The following OPCML variants were observed in gnomAD, a reference collection of about 807,000 sequenced individuals.
The protein encoded by OPCML is opioid binding protein/cell adhesion molecule like.
OPCML carries 13 observed loss-of-function variants against 37.8 expected under a neutral mutation model. That is an observed-to-expected ratio of 0.34 (90% CI 0.22 to 0.55). The LOEUF is 0.55. Ranked by LOEUF, OPCML falls within the 20% of genes least tolerant of loss-of-function variation. The probability of loss-of-function intolerance (pLI) is 0.91; values close to 1 mark genes in which losing one functional copy is unlikely to be tolerated. For missense variants in OPCML, 341 were observed against 435.6 expected, an observed-to-expected ratio of 0.78 and a Z score of 1.93; for synonymous variants, 176 against 168.8, an observed-to-expected ratio of 1.04 and a Z score of -0.33.
At chr11:132,909,784 C>A (rs1442531540) in intron 2 of OPCML, among the ~76,000 whole-genome samples, 1 of 152,142 alleles carries the variant, frequency 6.6e-6, no homozygotes, top group East Asian at 1.9e-4. Flanking sequence ...ATATATGCAG[C>A]GGATGTGGCA....
chr11:133,480,043 C>T lies in OPCML; in HGVS notation c.61+52221G>A, dbSNP rs748720977. Among the ~76,000 whole-genome samples the T allele has an allele frequency of 3.0e-4, 45 of 152,336 alleles. 1 individual carries two copies. Among genetic ancestry groups the T allele is most frequent in the Middle Eastern group, 3.4e-3 (1 of 294 alleles). ...GTGCCTAACTTAACCAATTTCTGCA[C>T]ACTCATTCTGTGGACCCCAATCCAA... On this transcript the variant is annotated intron_variant, in intron 1 of 7. Coordinates refer to ENST00000524381, the MANE Select transcript of OPCML (RefSeq NM_001012393.5).
In OPCML at chr11:133,022,707, C is replaced by T. The variant is rs147012810; in HGVS notation, c.62-79697G>A. Among the ~76,000 whole-genome samples, 22 of 152,152 alleles carry T rather than the reference C, an allele frequency of 1.4e-4. 1 individual carries two copies. In the East Asian group the frequency reaches 2.7e-3, roughly 19 times the overall value. The stretch of plus-strand genomic sequence containing the variant: ...TGCTTTTTGGATGGGGTTTTGGTGA[C>T]GCACCATGGAAAAATATCATCCGTG... On this transcript the variant is annotated intron_variant, in intron 1 of 7. Transcript: ENST00000524381.
intron 1 of OPCML, among the ~76,000 whole-genome samples, chr11:133,304,741 G>A (rs906817846): frequency 2.0e-4 from 31 of 152,122 alleles, no homozygotes; most frequent in African/African-American, 7.5e-4. Context: ...CACAAATGTT[G>A]CCATGGAAAG....
At chr11:133,056,024 G>A (rs1407477052) in intron 1 of OPCML, among the ~76,000 whole-genome samples, 3 of 152,232 alleles carry the variant, frequency 2.0e-5, no homozygotes, top group African/African-American at 7.2e-5. Context: ...CCATGAGGGA[G>A]CCGCCTCTAC....
chr11:133,466,435 C>T (rs984785724), intron 1 of OPCML, among the ~76,000 whole-genome samples: 2 of 152,090 alleles, frequency 1.3e-5, no homozygotes, highest in Admixed American at 6.6e-5. Flanking sequence ...GAACCGGAAC[C>T]GTGACCTTAG....
chr11:133,265,371 G>A (rs12417446), intron 1 of OPCML, among the ~76,000 whole-genome samples: 7,878 of 152,270 alleles, frequency 0.052, 233 homozygotes, highest in Middle Eastern at 0.075. Flanking sequence ...ATATATTGGC[G>A]TTGGCTATCC....
At chr11:133,307,956 A>G (rs1318717889) in intron 1 of OPCML, among the ~76,000 whole-genome samples, 1 of 152,082 alleles carries the variant, frequency 6.6e-6, no homozygotes, top group African/African-American at 2.4e-5. Context: ...AAGTCAATGA[A>G]CATATATGGA....
At chr11:132,899,841 G>A (rs537815374) in intron 2 of OPCML, among the ~76,000 whole-genome samples, 170 of 152,082 alleles carry the variant, frequency 1.1e-3, no homozygotes, top group Middle Eastern at 3.4e-3. Flanking sequence ...CCTGGAGCTC[G>A]GATACACTCT....
intron 1 of OPCML, among the ~76,000 whole-genome samples, chr11:133,317,701 A>G (rs1943238809): frequency 6.6e-6 from 1 of 152,202 alleles, no homozygotes; most frequent in East Asian, 1.9e-4. Context: ...TCGCTCCACC[A>G]TGTAAACTTA....
chr11:133,334,117 T>C (rs1346949772), intron 1 of OPCML, among the ~76,000 whole-genome samples: 2 of 152,134 alleles, frequency 1.3e-5, no homozygotes, highest in African/African-American at 2.4e-5. Context: ...AGAACTACCA[T>C]TCAACCCAGC....
intron 2 of OPCML, among the ~76,000 whole-genome samples, chr11:132,659,207 T>G (rs1335884878): frequency 1.3e-5 from 2 of 152,246 alleles, no homozygotes; most frequent in African/African-American, 4.8e-5. Flanking sequence ...AGCATTTTTC[T>G]ATTTCCCTTA....
chr11:133,360,709 C>G (rs918657773), intron 1 of OPCML: 1 of 152,206 alleles, frequency 6.6e-6, no homozygotes, highest in Admixed American at 6.5e-5. Context: ...TCTTCTTTCT[C>G]GTTATTCATT....
At chr11:133,310,058 G>A (rs1943029976) in intron 1 of OPCML, among the ~76,000 whole-genome samples, 1 of 152,192 alleles carries the variant, frequency 6.6e-6, no homozygotes, top group African/African-American at 2.4e-5. Flanking sequence ...CTAGAAATTT[G>A]TTAGAGACAC....
At chr11:132,488,481 G>T (rs918999944) in intron 4 of OPCML, among the ~76,000 whole-genome samples, 9 of 152,208 alleles carry the variant, frequency 5.9e-5, no homozygotes, top group South Asian at 2.1e-4. Context: ...TAAGCAATTG[G>T]AACTGTAAAA....
At chr11:132,480,294 T>A (rs2096174902) in intron 4 of OPCML, among the ~76,000 whole-genome samples, 1 of 151,834 alleles carries the variant, frequency 6.6e-6, no homozygotes, top group African/African-American at 2.4e-5. Context: ...ATGAATGAAA[T>A]GAAGCAAGAA....
intron 4 of OPCML, among the ~76,000 whole-genome samples, chr11:132,511,108 C>CA (rs1297846269): frequency 2.0e-5 from 3 of 152,058 alleles, no homozygotes; most frequent in African/African-American, 7.2e-5. Context: ...TCAAGGAATA[C>CA]ATTTAGCTGT....
rs368974142 is a variant in OPCML, at chr11:133,516,404, C to G, written c.61+15860G>C. On this transcript the variant is annotated intron_variant, in intron 1 of 7. Coordinates refer to ENST00000524381, the MANE Select transcript of OPCML (RefSeq NM_001012393.5). ...TCTAGTCAGTCACACTTCCCATAGCCAAAGATCTGGGGGGACACACTCACA... is the reference window on the plus strand; with the variant it reads ...TCTAGTCAGTCACACTTCCCATAGCGAAAGATCTGGGGGGACACACTCACA... 3.9e-5 allele frequency among the ~76,000 whole-genome samples: 6 copies of G among 152,096 alleles called. No individual in the cohort carries two copies. In the East Asian group the frequency reaches 5.8e-4, roughly 15 times the overall value.
intron 1 of OPCML, among the ~76,000 whole-genome samples, chr11:133,186,819 A>C (rs955387177): frequency 6.6e-6 from 1 of 152,222 alleles, no homozygotes; most frequent in Non-Finnish European, 1.5e-5. Flanking sequence ...ACTGGTGCTC[A>C]GTGTGGGCAA....
At chr11:132,682,013 T>C (rs1469063723) in intron 2 of OPCML, among the ~76,000 whole-genome samples, 2 of 151,732 alleles carry the variant, frequency 1.3e-5, no homozygotes, top group African/African-American at 2.4e-5. Flanking sequence ...AAGCCATCTG[T>C]GATGTGGCTG....
Sources: allele counts gnomAD v4.1 joint callset (sites outside exome capture counted in the v4.1 genomes callset), GRCh38; gene constraint gnomAD v4.1.1; transcripts MANE v1.5; gene names NCBI Gene and HGNC (gene_info 2026-07-23, HGNC 2026-07-21).